The following TSGA10IP variants were observed in gnomAD, a reference collection of about 807,000 sequenced individuals.
The protein encoded by TSGA10IP is testis specific 10 interacting protein.
Under a neutral mutation model 63.2 loss-of-function variants are expected in TSGA10IP, and 64 were observed. That is an observed-to-expected ratio of 1.01 (90% CI 0.83 to 1.25). The LOEUF is 1.25. TSGA10IP is among the 50% of genes most tolerant of loss of function. TSGA10IP has a pLI of 0.00. For synonymous variants in TSGA10IP, 316 were observed against 298.3 expected, an observed-to-expected ratio of 1.06 and a Z score of -0.61; for missense variants, 681 against 710.1, an observed-to-expected ratio of 0.96 and a Z score of 0.47.
In TSGA10IP at chr11:65,946,274, C is replaced by T. The variant is rs550092215; in HGVS notation, c.147+452C>T. Among the ~76,000 whole-genome samples the T allele has an allele frequency of 2.6e-5, 4 of 152,270 alleles. No individual in the cohort carries two copies. The East Asian group carries it at 5.8e-4, about 22-fold the overall frequency. On this transcript the variant is annotated intron_variant, in intron 1 of 7. Coordinates refer to ENST00000532620, the Ensembl canonical transcript of TSGA10IP. ...CTCTGAGCCTCAGCTTTCTCCTCCACATGATGGAGGTGATAGTGAGTACCG... is the reference window on the plus strand; with the variant it reads ...CTCTGAGCCTCAGCTTTCTCCTCCATATGATGGAGGTGATAGTGAGTACCG...
At chr11:65,959,114 C>T in intron 6 of TSGA10IP, 76 bp from the exon 7 acceptor site, 1 of 1,571,742 alleles carries the variant, frequency 6.4e-7, no homozygotes, top group Non-Finnish European at 8.6e-7. Flanking sequence ...TCCCTGGGAC[C>T]CCCTCAGTAA....
exon 1 of TSGA10IP, chr11:65,945,813 G>C: frequency 6.2e-7 from 1 of 1,613,876 alleles, no homozygotes; most frequent in South Asian, 1.1e-5. Context: ...CCGTCTCTCA[G>C]GACAAGCAGG....
intron 4 of TSGA10IP, 42 bp downstream of exon 4, chr11:65,948,190 T>C (rs1854879686): frequency 1.3e-6 from 2 of 1,569,992 alleles, no homozygotes; most frequent in African/African-American, 2.7e-5. Flanking sequence ...GAATGAGAAG[T>C]AGAGATGGAG....
At chr11:65,956,673 G>A (rs1298024127) in intron 5 of TSGA10IP, among the ~76,000 whole-genome samples, 1 of 152,122 alleles carries the variant, frequency 6.6e-6, no homozygotes, top group Non-Finnish European at 1.5e-5. Flanking sequence ...GACCACAGGT[G>A]CGCGCCACCA....
chr11:65,959,592 G>C (rs1350950871), intron 7 of TSGA10IP, among the ~76,000 whole-genome samples: 1 of 152,206 alleles, frequency 6.6e-6, no homozygotes, highest in Non-Finnish European at 1.5e-5. Context: ...ATTAGGGGCT[G>C]GCACCACCAC....
intron 7 of TSGA10IP, 105 bp downstream of exon 7, chr11:65,959,419 G>A: frequency 6.7e-7 from 1 of 1,491,980 alleles, no homozygotes; most frequent in Non-Finnish European, 9.0e-7. Flanking sequence ...AGGACAGGCA[G>A]AGAGCCCAGA....
chr11:65,953,554 T>C lies in TSGA10IP; in HGVS notation c.1152-13T>C. The C allele has an allele frequency of 6.4e-7, 1 of 1,561,906 alleles. No individual in the cohort carries two copies. The highest frequency in any genetic ancestry group is 8.6e-7 in the Non-Finnish European group (1 of 1,157,020). ...CCGTGAACCTCTCATTCCCCTTCCC[T>C]TTCTCACCCAAGGAGCCTGCTGCAG... On this transcript the variant is annotated splice_polypyrimidine_tract_variant and intron_variant, in intron 4 of 7. Coordinates refer to ENST00000532620, the Ensembl canonical transcript of TSGA10IP.
chr11:65,959,461 T>A (rs1855080107), intron 7 of TSGA10IP, 147 bp downstream of exon 7: 1 of 1,298,338 alleles, frequency 7.7e-7, no homozygotes, highest in African/African-American at 1.5e-5. Context: ...CATTCCTACT[T>A]CTCAATGAGG....
chr11:65,947,599 G>C, exon 3 of TSGA10IP: 1 of 1,613,882 alleles, frequency 6.2e-7, no homozygotes, highest in East Asian at 2.2e-5. Flanking sequence ...AGGCTGAGGA[G>C]GGAGAGCACA....
chr11:65,951,970 C>T (rs767052603), intron 4 of TSGA10IP, among the ~76,000 whole-genome samples: 1 of 152,026 alleles, frequency 6.6e-6, no homozygotes, highest in Non-Finnish European at 1.5e-5. Flanking sequence ...TTGCCTCAGC[C>T]TCCTGAGTAG....
chr11:65,958,801 T>C (rs971059808), intron 5 of TSGA10IP, 82 bp from the exon 6 acceptor site: 4 of 1,129,392 alleles, frequency 3.5e-6, no homozygotes, highest in African/African-American at 1.5e-5. Context: ...TATCAAGTCC[T>C]TAGTGAAGAT....
chr11:65,953,559 C>T lies in TSGA10IP; in HGVS notation c.1152-8C>T, dbSNP rs760876973. On this transcript the variant is annotated splice_region_variant and splice_polypyrimidine_tract_variant and intron_variant, in intron 4 of 7. Coordinates refer to ENST00000532620, the Ensembl canonical transcript of TSGA10IP. ...AACCTCTCATTCCCCTTCCCTTTCT[C>T]ACCCAAGGAGCCTGCTGCAGGCCTG... 2 of 1,566,686 alleles carry T rather than the reference C, an allele frequency of 1.3e-6. No homozygotes were observed. The highest frequency in any genetic ancestry group is 2.4e-5 in the East Asian group (1 of 42,198).
In TSGA10IP at chr11:65,947,333, A is replaced by C; in HGVS notation, c.508A>C (p.Lys170Gln). The C allele has an allele frequency of 1.9e-6, 3 of 1,612,194 alleles. No individual in the cohort carries two copies. The highest frequency in any genetic ancestry group is 2.5e-6 in the Non-Finnish European group (3 of 1,179,298). The change falls in exon 3 of 8, where the codon AAG becomes CAG. Residue 170 changes from lysine to glutamine, a missense_variant. Transcript: ENST00000532620. ...CTGGAAGACAGAGGCGCAAAACCTGAAGGCGAGACAGCAGCTGGGAGCCTG... is the reference window on the plus strand; with the variant it reads ...CTGGAAGACAGAGGCGCAAAACCTGCAGGCGAGACAGCAGCTGGGAGCCTG...
At chr11:65,945,620 T>C (rs1854810955) in exon 1 of TSGA10IP, 1 of 1,586,922 alleles carries the variant, frequency 6.3e-7, no homozygotes, top group Non-Finnish European at 8.6e-7. Context: ...GAGGACTGGT[T>C]GCCATAGAGA....
At chr11:65,946,745 G>T (rs1419104196) in intron 1 of TSGA10IP, 135 bp from the exon 2 acceptor site, 6 of 1,026,608 alleles carry the variant, frequency 5.8e-6, no homozygotes, top group African/African-American at 1.6e-5. Context: ...TGTTTGGTTG[G>T]TTTTTATGGT....
exon 1 of TSGA10IP, chr11:65,945,567 C>A: frequency 3.1e-6 from 4 of 1,285,770 alleles, no homozygotes; most frequent in Admixed American, 2.2e-5. Flanking sequence ...ACCCCACTGA[C>A]CCCTTCCTAG....
chr11:65,959,770 T>TG (rs1249910281), intron 7 of TSGA10IP, 47 bp from the exon 8 acceptor site: 1 of 1,517,956 alleles, frequency 6.6e-7, no homozygotes. Context: ...TCCTTGGGCA[T>TG]GGGGGTGGGA....
At position 65,953,607 on chromosome 11, in the gene TSGA10IP, C is replaced by T. The variant is rs373132092; in HGVS notation, c.1192C>T (p.Arg398Trp). ...CTGGGAGCGGCAGCGGCAGGAGGAG[C>T]GGCAGCAGGCCGAGCTGCGGCGGGC... Residue 398 changes from arginine (R) to tryptophan (W), a missense_variant, in exon 5 of 8, where the codon CGG (arginine) becomes TGG (tryptophan). By Grantham distance (101) the Arg-to-Trp change is moderately radical (BLOSUM62 -3). Coordinates refer to ENST00000532620, the Ensembl canonical transcript of TSGA10IP. 189 of 1,585,970 alleles carry T rather than the reference C, an allele frequency of 1.2e-4. No individual in the cohort carries two copies. The highest frequency in any genetic ancestry group is 1.4e-4 in the Non-Finnish European group (169 of 1,168,648).
At chr11:65,956,898 A>T (rs1029526932) in intron 5 of TSGA10IP, among the ~76,000 whole-genome samples, 1 of 152,212 alleles carries the variant, frequency 6.6e-6, no homozygotes, top group African/African-American at 2.4e-5. Context: ...TGCAGCAAAA[A>T]GAGTGATTCA....
Sources: allele counts gnomAD v4.1 joint callset (sites outside exome capture counted in the v4.1 genomes callset), GRCh38; gene constraint gnomAD v4.1.1; transcripts MANE v1.5; gene names NCBI Gene and HGNC (gene_info 2026-07-23, HGNC 2026-07-21).